ARHGEF7: variants seen among roughly 807,000 people sequenced by gnomAD.
ARHGEF7 encodes Rho guanine nucleotide exchange factor 7.
A neutral mutation model predicts 109.8 loss-of-function variants in ARHGEF7; 33 were observed. That is an observed-to-expected ratio of 0.30 (90% CI 0.23 to 0.40). The LOEUF is 0.40. ARHGEF7 is among the 10% of genes least tolerant of loss of function. The pLI, the probability that ARHGEF7 is intolerant of heterozygous loss-of-function variation, is 1.00. For missense variants in ARHGEF7, 938 were observed against 1,098.5 expected, an observed-to-expected ratio of 0.85 and a Z score of 2.07; for synonymous variants, 458 against 424.6, an observed-to-expected ratio of 1.08 and a Z score of -0.97.
At chr13:111,294,637 T>C (rs999540617) in intron 19 of ARHGEF7, 11 of 985,356 alleles carry the variant, frequency 1.1e-5, no homozygotes, top group Non-Finnish European at 3.6e-6. Context: ...GAAGTATTAG[T>C]GCCACAAGCC....
chr13:111,130,981 G>A (rs1353640413), intron 1 of ARHGEF7, among the ~76,000 whole-genome samples: 1 of 152,254 alleles, frequency 6.6e-6, no homozygotes, highest in African/African-American at 2.4e-5. Flanking sequence ...GGGACGCGGA[G>A]AGACAGGCAG....
At chr13:111,225,299 C>T (rs1041049443) in intron 5 of ARHGEF7, among the ~76,000 whole-genome samples, 1 of 152,138 alleles carries the variant, frequency 6.6e-6, no homozygotes, top group Non-Finnish European at 1.5e-5. Context: ...TTACATGCCA[C>T]ATGCTTGTAG....
intron 2 of ARHGEF7, among the ~76,000 whole-genome samples, chr13:111,174,162 C>T (rs1165520823): frequency 6.6e-6 from 1 of 152,078 alleles, no homozygotes; most frequent in Non-Finnish European, 1.5e-5. Context: ...ATATTTGCTG[C>T]TATTTAAAAT....
intron 8 of ARHGEF7, among the ~76,000 whole-genome samples, chr13:111,264,905 T>C (rs1169996160): frequency 1.3e-5 from 2 of 152,084 alleles, no homozygotes; most frequent in African/African-American, 4.8e-5. Flanking sequence ...AAGCAGAGGT[T>C]TATTTTCACC....
At chr13:111,288,566 G>C in intron 18 of ARHGEF7, 123 bp downstream of exon 18, 1 of 566,076 alleles carries the variant, frequency 1.8e-6, no homozygotes, top group Non-Finnish European at 2.9e-6. Context: ...CTCCCAGTGA[G>C]TGATGTTTCA....
chr13:111,277,687 T>A lies in ARHGEF7; in HGVS notation c.1506+14T>A. On this transcript the variant is annotated intron_variant, in intron 13 of 21. Transcript: ENST00000646102. ...TTTATCTATCAGGTAAAACACAATT[T>A]AAATTTATATTTTATTGTGGATCTG... 4 of 1,514,736 alleles carry A rather than the reference T, an allele frequency of 2.6e-6. No homozygotes were observed. Among genetic ancestry groups the A allele is most frequent in the Non-Finnish European group, 3.6e-6 (4 of 1,096,022 alleles). The allele number at this position is 1,514,736 out of a possible 1,614,324, so 93.8% of individuals were successfully genotyped here.
chr13:111,204,056 G>T (rs1321257883), intron 2 of ARHGEF7, among the ~76,000 whole-genome samples: 1 of 152,122 alleles, frequency 6.6e-6, no homozygotes, highest in East Asian at 1.9e-4. Context: ...CACGTGTTCT[G>T]GGGGAGCCTG....
chr13:111,153,831 G>A (rs571191120), intron 1 of ARHGEF7, 74 bp from the exon 2 acceptor site: 42 of 1,538,516 alleles, frequency 2.7e-5, no homozygotes, highest in Non-Finnish European at 3.5e-5. Flanking sequence ...CGCGGGCCGT[G>A]GGCGTCGCTC....
At chr13:111,221,166 T>G (rs1334825874) in intron 5 of ARHGEF7, among the ~76,000 whole-genome samples, 3 of 90,836 alleles carry the variant, frequency 3.3e-5, no homozygotes, top group Non-Finnish European at 6.3e-5. Context: ...TATGTCTATA[T>G]ATATCTATAT....
At chr13:111,278,249 T>C (rs760917826) in intron 13 of ARHGEF7, among the ~76,000 whole-genome samples, 4 of 152,162 alleles carry the variant, frequency 2.6e-5, no homozygotes, top group African/African-American at 9.7e-5. Context: ...TGGTTTATAG[T>C]GGTGGTATAT....
At chr13:111,185,819 T>A (rs2079187189) in intron 2 of ARHGEF7, among the ~76,000 whole-genome samples, 2 of 152,206 alleles carry the variant, frequency 1.3e-5, no homozygotes, top group African/African-American at 4.8e-5. Context: ...CTGCCTGATC[T>A]GCCTGCATGA....
At chr13:111,177,875 T>C (rs1394033906) in intron 2 of ARHGEF7, among the ~76,000 whole-genome samples, 4 of 152,204 alleles carry the variant, frequency 2.6e-5, no homozygotes, top group African/African-American at 9.6e-5. Context: ...TAAAAGTCCT[T>C]GTGAAAAATG....
intron 5 of ARHGEF7, among the ~76,000 whole-genome samples, chr13:111,227,750 G>T (rs2085406514): frequency 6.6e-6 from 1 of 152,086 alleles, no homozygotes; most frequent in Admixed American, 6.5e-5. Context: ...TCTTCTGTTG[G>T]TTTCCTCTGT....
At position 111,267,606 on chromosome 13, in the gene ARHGEF7, A is replaced by G; in HGVS notation, c.1009A>G (p.Lys337Glu). The G allele has an allele frequency of 6.2e-7, 1 of 1,614,176 alleles. No individual in the cohort carries two copies. Among genetic ancestry groups the G allele is most frequent in the Non-Finnish European group, 8.5e-7 (1 of 1,180,000 alleles). ...CTTTTTAAACCTGATGCCACAGATGAAAACCCTGTACCTCACGTATTGTGC... is the reference window on the plus strand; with the variant it reads ...CTTTTTAAACCTGATGCCACAGATGGAAACCCTGTACCTCACGTATTGTGC... ...GCFLNLMPQM[K>E]TLYLTYCANH... Residue 337 changes from lysine (K) to glutamate (E), a missense_variant, in exon 9 of 22, where the codon AAA (lysine) becomes GAA (glutamate). Lys to Glu is a moderately conservative substitution (Grantham distance 56). This residue lies in a region of ARHGEF7 where 585 missense variants were observed against 723.6 expected (regional missense o/e 0.81). Coordinates refer to ENST00000646102, the MANE Select transcript of ARHGEF7 (RefSeq NM_001354046.2).
chr13:111,180,104 T>C (rs993430932), intron 2 of ARHGEF7, among the ~76,000 whole-genome samples: 2 of 152,338 alleles, frequency 1.3e-5, no homozygotes, highest in African/African-American at 4.8e-5. Flanking sequence ...GGCCCTTTGA[T>C]TTGAGGCTTT....
intron 3 of ARHGEF7, 80 bp downstream of exon 3, chr13:111,205,453 C>A (rs1337276306): frequency 7.5e-6 from 7 of 931,160 alleles, no homozygotes; most frequent in Non-Finnish European, 9.6e-6. Context: ...TTTACCAAAG[C>A]CAGGGGAGCA....
At chr13:111,214,352 G>A (rs2082862814) in intron 4 of ARHGEF7, among the ~76,000 whole-genome samples, 1 of 152,216 alleles carries the variant, frequency 6.6e-6, no homozygotes, top group African/African-American at 2.4e-5. Flanking sequence ...GTGATCTCGG[G>A]CACCTGACCT....
intron 5 of ARHGEF7, among the ~76,000 whole-genome samples, chr13:111,226,908 A>G (rs2085286078): frequency 6.6e-6 from 1 of 152,222 alleles, no homozygotes; most frequent in East Asian, 1.9e-4. Context: ...AGGTTAAAAT[A>G]TCAACATCAA....
chr13:111,211,961 C>A (rs923443598), intron 4 of ARHGEF7, among the ~76,000 whole-genome samples: 1 of 152,152 alleles, frequency 6.6e-6, no homozygotes, highest in South Asian at 2.1e-4. Flanking sequence ...ACGCTTCCAT[C>A]CCCCAGGCGA....
Sources: gnomAD v4.1 joint callset for allele counts (sites outside exome capture counted in the v4.1 genomes callset) on GRCh38, gnomAD v4.1.1 for gene constraint, gnomAD v4.1.1 regional missense constraint, MANE v1.5 for transcripts, NCBI Gene and HGNC (gene_info 2026-07-23, HGNC 2026-07-21) for gene names.